C8orf34: variants seen among roughly 807,000 people sequenced by gnomAD.
C8orf34 encodes the protein uncharacterized protein C8orf34.
In C8orf34, 65 loss-of-function variants were observed where a neutral mutation model predicts 68.3. The observed-to-expected ratio is 0.95, with a 90% CI of 0.78 to 1.17. The LOEUF (loss-of-function observed/expected upper bound fraction) is 1.17, where lower values mean the gene tolerates loss of function less well. Among genes scored for constraint, C8orf34 ranks in the 50% most tolerant of loss-of-function variants. The pLI is 0.00. For synonymous variants in C8orf34, 244 were observed against 241.2 expected (o/e 1.01, Z -0.11); for missense variants, 664 against 655.4 (o/e 1.01, Z -0.14).
In C8orf34 at chr8:68,689,380, A is replaced by C. The variant is rs944227113; in HGVS notation, c.1242-19614A>C. On this transcript the variant is annotated intron_variant, in intron 8 of 13. Transcript: ENST00000518698. ...TGTAGAATTCATCCATGTAACCAAAAACTACTTGTACCCCAAAAGCAATTG... is the reference window on the plus strand; with the variant it reads ...TGTAGAATTCATCCATGTAACCAAACACTACTTGTACCCCAAAAGCAATTG... 2.0e-5 allele frequency among the ~76,000 whole-genome samples: 3 copies of C among 152,190 alleles called. No individual in the cohort carries two copies. In the South Asian group the frequency reaches 6.2e-4, roughly 32 times the overall value.
At chr8:68,639,616 T>C (rs1818945278) in intron 7 of C8orf34, among the ~76,000 whole-genome samples, 1 of 152,190 alleles carries the variant, frequency 6.6e-6, no homozygotes, top group South Asian at 2.1e-4. Flanking sequence ...TCTTTAGTGC[T>C]AAAGCTGAGA....
At chr8:68,663,319 T>C (rs1228285866) in intron 8 of C8orf34, among the ~76,000 whole-genome samples, 8 of 152,254 alleles carry the variant, frequency 5.3e-5, no homozygotes, top group Non-Finnish European at 1.0e-4. Flanking sequence ...CTCCCATTTA[T>C]ACAGAAGATA....
chr8:68,789,423 C>T (rs1823931287), intron 12 of C8orf34, among the ~76,000 whole-genome samples: 1 of 152,180 alleles, frequency 6.6e-6, no homozygotes, highest in South Asian at 2.1e-4. Flanking sequence ...ATTTAGTCTT[C>T]TTTTCTTTTC....
chr8:68,413,724 C>T (rs1440469078), intron 1 of C8orf34, among the ~76,000 whole-genome samples: 1 of 152,204 alleles, frequency 6.6e-6, no homozygotes, highest in African/African-American at 2.4e-5. Flanking sequence ...TAAAGTCAGG[C>T]CACTGCTTTC....
At chr8:68,558,973 A>G (rs2130136576) in intron 7 of C8orf34, among the ~76,000 whole-genome samples, 1 of 152,342 alleles carries the variant, frequency 6.6e-6, no homozygotes, top group East Asian at 1.9e-4. Flanking sequence ...TTACTGGGAG[A>G]ATCACAGAAG....
chr8:68,341,672 C>A (rs535427054), intron 1 of C8orf34, among the ~76,000 whole-genome samples: 9 of 152,162 alleles, frequency 5.9e-5, no homozygotes, highest in African/African-American at 2.2e-4. Flanking sequence ...GGTGTGGCAC[C>A]TACTCCTGTG....
intron 10 of C8orf34, among the ~76,000 whole-genome samples, chr8:68,740,815 A>G (rs892336895): frequency 6.6e-6 from 1 of 152,234 alleles, no homozygotes; most frequent in Non-Finnish European, 1.5e-5. Flanking sequence ...AATAGCAAAG[A>G]CATGGAATCA....
At chr8:68,691,377 A>G (rs1820680788) in intron 8 of C8orf34, among the ~76,000 whole-genome samples, 1 of 152,108 alleles carries the variant, frequency 6.6e-6, no homozygotes, top group African/African-American at 2.4e-5. Context: ...ACTACAGTAT[A>G]GTATAAACAT....
intron 5 of C8orf34, among the ~76,000 whole-genome samples, chr8:68,491,257 G>A (rs1453712650): frequency 1.3e-5 from 2 of 149,062 alleles, no homozygotes; most frequent in African/African-American, 2.5e-5. Flanking sequence ...TTTTTTTTAA[G>A]TTGTGGGAAT....
intron 7 of C8orf34, among the ~76,000 whole-genome samples, chr8:68,568,457 G>A (rs1302816606): frequency 5.3e-5 from 8 of 151,972 alleles, no homozygotes; most frequent in Non-Finnish European, 4.4e-5. Context: ...GAAATGTTGT[G>A]AGAATTACCA....
chr8:68,797,077 T>C (rs1824200004), intron 12 of C8orf34, among the ~76,000 whole-genome samples: 1 of 152,224 alleles, frequency 6.6e-6, no homozygotes, highest in African/African-American at 2.4e-5. Context: ...TCCACCCACC[T>C]TGGCCTCCCA....
intron 1 of C8orf34, among the ~76,000 whole-genome samples, chr8:68,376,530 C>T (rs1229391077): frequency 1.3e-5 from 2 of 151,708 alleles, no homozygotes; most frequent in Non-Finnish European, 2.9e-5. Context: ...CCAGATAATC[C>T]GAAACCTGTA....
intron 7 of C8orf34, among the ~76,000 whole-genome samples, chr8:68,561,237 C>T (rs564775387): frequency 6.6e-6 from 1 of 152,116 alleles, no homozygotes; most frequent in Non-Finnish European, 1.5e-5. Context: ...CCAGCTTCAG[C>T]CTTCCAAAGT....
At chr8:68,600,696 T>G (rs1013170502) in intron 7 of C8orf34, among the ~76,000 whole-genome samples, 2 of 152,220 alleles carry the variant, frequency 1.3e-5, no homozygotes, top group Admixed American at 1.3e-4. Context: ...GCAAATAATG[T>G]GTAATGATCA....
At chr8:68,563,495 T>C (rs2130190860) in intron 7 of C8orf34, among the ~76,000 whole-genome samples, 1 of 152,230 alleles carries the variant, frequency 6.6e-6, no homozygotes, top group East Asian at 1.9e-4. Context: ...AAAACACAAC[T>C]TTTAAAGGGT....
At chr8:68,744,534 C>G (rs1392040506) in intron 10 of C8orf34, among the ~76,000 whole-genome samples, 2 of 151,514 alleles carry the variant, frequency 1.3e-5, no homozygotes, top group African/African-American at 4.8e-5. Context: ...CAGAGAAGTG[C>G]TTAAAGGAGC....
chr8:68,514,445 C>T lies in C8orf34; in HGVS notation c.766-7354C>T, dbSNP rs189398810. 2.1e-4 allele frequency among the ~76,000 whole-genome samples: 32 copies of T among 152,312 alleles called. No homozygotes were observed. In the South Asian group the frequency reaches 3.7e-3, roughly 18 times the overall value. On this transcript the variant is annotated intron_variant, in intron 5 of 13. Coordinates refer to ENST00000518698, the MANE Select transcript of C8orf34 (RefSeq NM_052958.4). ...TGCAAGGCAACCAGGGATCTGTCAACGTGTACAGGGCAGCTGCTTGCATCA... is the reference window on the plus strand; with the variant it reads ...TGCAAGGCAACCAGGGATCTGTCAATGTGTACAGGGCAGCTGCTTGCATCA...
At chr8:68,539,110 A>T (rs1815602777) in intron 7 of C8orf34, among the ~76,000 whole-genome samples, 1 of 152,220 alleles carries the variant, frequency 6.6e-6, no homozygotes, top group Non-Finnish European at 1.5e-5. Flanking sequence ...TTTCACATTA[A>T]TTCACTGTGT....
chr8:68,693,281 A>C (rs2130912995), intron 8 of C8orf34, among the ~76,000 whole-genome samples: 1 of 152,238 alleles, frequency 6.6e-6, no homozygotes, highest in Admixed American at 6.5e-5. Context: ...TGACTAAGGA[A>C]GAATGCCTGG....
Sources: gnomAD v4.1 joint callset for allele counts (sites outside exome capture counted in the v4.1 genomes callset) on GRCh38, gnomAD v4.1.1 for gene constraint, MANE v1.5 for transcripts, NCBI Gene and HGNC (gene_info 2026-07-23, HGNC 2026-07-21) for gene names.